The following KNDC1 variants were observed in gnomAD, a reference collection of about 807,000 sequenced individuals.
The protein encoded by KNDC1 is kinase non-catalytic C-lobe domain-containing protein 1.
KNDC1 carries 106 observed loss-of-function variants against 172.8 expected under a neutral mutation model. The ratio of observed to expected loss-of-function variants is 0.61; its 90% CI spans 0.52 to 0.72. The LOEUF is 0.72. Among genes scored for constraint, KNDC1 ranks in the 30% least tolerant of loss-of-function variants. The probability of loss-of-function intolerance (pLI) is 0.00; values close to 1 mark genes in which losing one functional copy is unlikely to be tolerated. For synonymous variants in KNDC1, 1,083 were observed against 1,062.2 expected, an observed-to-expected ratio of 1.02 and a Z score of -0.38; for missense variants, 2,325 against 2,394.5, an observed-to-expected ratio of 0.97 and a Z score of 0.61.
chr10:133,214,310 A>T (rs1845434041), intron 26 of KNDC1, among the ~76,000 whole-genome samples, 188 bp downstream of exon 26: 1 of 152,114 alleles, frequency 6.6e-6, no homozygotes, highest in Non-Finnish European at 1.5e-5. Flanking sequence ...CATCAGGAGG[A>T]GGGGGGTCAG....
chr10:133,219,045 G>A lies in KNDC1; in HGVS notation c.4815G>A (p.Leu1605=). The A allele has an allele frequency of 6.2e-7, 1 of 1,614,054 alleles. No individual in the cohort carries two copies. Among genetic ancestry groups the A allele is most frequent in the East Asian group, 2.2e-5 (1 of 44,886 alleles). ...TTTCATTTCAGGCCTGGAGAATTCTGCCTGCAAAGATAGCAGAGGTCATGG... is the reference window on the plus strand; with the variant it reads ...TTTCATTTCAGGCCTGGAGAATTCTACCTGCAAAGATAGCAGAGGTCATGG... ...AVRQSPAWRI[L]PAKIAEVMEE... Residue 1605 remains leucine (L), a synonymous_variant, in exon 28 of 30, where the codon CTG becomes CTA. Coordinates refer to ENST00000304613, the MANE Select transcript of KNDC1 (RefSeq NM_152643.8).
chr10:133,175,218 G>C (rs762810235), intron 3 of KNDC1, among the ~76,000 whole-genome samples: 3 of 149,136 alleles, frequency 2.0e-5, no homozygotes, highest in Non-Finnish European at 4.5e-5. Flanking sequence ...TATGTGGATG[G>C]ATGGGTGGAT....
intron 10 of KNDC1, among the ~76,000 whole-genome samples, 186 bp from the exon 11 acceptor site, chr10:133,196,872 T>C (rs1019916459): frequency 6.6e-6 from 1 of 152,158 alleles, no homozygotes; most frequent in African/African-American, 2.4e-5. Flanking sequence ...AGTGGCCGAC[T>C]GTGAGCCCTT....
At chr10:133,221,628 T>C (rs1845589835) in intron 29 of KNDC1, among the ~76,000 whole-genome samples, 1 of 152,196 alleles carries the variant, frequency 6.6e-6, no homozygotes, top group South Asian at 2.1e-4. Context: ...TGGGGAGCAA[T>C]GCTCAGCGGA....
At position 133,165,083 on chromosome 10, in the gene KNDC1, G is replaced by A. The variant is rs529630391; in HGVS notation, c.103-2298G>A. Among the ~76,000 whole-genome samples the A allele has an allele frequency of 2.0e-3, 305 of 152,316 alleles. 1 individual carries two copies. The highest frequency in any genetic ancestry group is 6.8e-3 in the African/African-American group (283 of 41,584). Reference sequence around the variant, plus strand: ...ACATGACAAGACCCCCTGGGTGGCCGGGCTCAGGACCCTGTGTGAGCGGAA... The same window carrying A: ...ACATGACAAGACCCCCTGGGTGGCCAGGCTCAGGACCCTGTGTGAGCGGAA... On this transcript the variant is annotated intron_variant, in intron 1 of 29. Coordinates refer to ENST00000304613, the MANE Select transcript of KNDC1 (RefSeq NM_152643.8).
Position 133,189,825 on chromosome 10 carries a change from C to T in KNDC1, c.1575+12C>T. On this transcript the variant is annotated intron_variant, in intron 9 of 29. Coordinates refer to ENST00000304613, the MANE Select transcript of KNDC1 (RefSeq NM_152643.8). ...TGGTAACTGAAAAGGTACCCGGGCC[C>T]TCCCCACCCTGCCCCAGCCCTGCCC... 6.2e-7 allele frequency: 1 copy of T among 1,609,414 alleles called. No homozygotes were observed. The highest frequency in any genetic ancestry group is 8.5e-7 in the Non-Finnish European group (1 of 1,177,610).
Position 133,198,323 on chromosome 10 carries a change from C to T in KNDC1, c.1907-14C>T, listed in dbSNP as rs1215946067. 1.3e-6 allele frequency: 2 copies of T among 1,555,566 alleles called. No individual in the cohort carries two copies. The highest frequency in any genetic ancestry group is 1.8e-5 in the Admixed American group (1 of 55,082). On this transcript the variant is annotated splice_polypyrimidine_tract_variant and intron_variant, in intron 12 of 29. Transcript: ENST00000304613. ...ACTCCGCCCGCCCACACCCTCAGCC[C>T]CCTGGCTCCCCAGGCTTCCTGCCGG... is the stretch of plus-strand genomic sequence containing the variant.
chr10:133,188,317 G>A (rs1029301637), intron 6 of KNDC1, among the ~76,000 whole-genome samples: 2 of 152,192 alleles, frequency 1.3e-5, no homozygotes, highest in African/African-American at 2.4e-5. Flanking sequence ...TGGCTGCACC[G>A]TGGGACGTTC....
intron 26 of KNDC1, among the ~76,000 whole-genome samples, chr10:133,214,971 C>T (rs555468524): frequency 6.6e-6 from 1 of 152,346 alleles, no homozygotes; most frequent in Admixed American, 6.5e-5. Flanking sequence ...GCACCTTCAC[C>T]CAGCGGATGC....
intron 17 of KNDC1, among the ~76,000 whole-genome samples, chr10:133,204,439 C>T (rs1057017823): frequency 4.6e-5 from 7 of 152,162 alleles, no homozygotes; most frequent in South Asian, 4.1e-4. Flanking sequence ...CAGCGGGGTC[C>T]GGAGGGCTTG....
chr10:133,169,523 A>G (rs1591221191), intron 3 of KNDC1, among the ~76,000 whole-genome samples: 2 of 152,344 alleles, frequency 1.3e-5, no homozygotes, highest in Non-Finnish European at 2.9e-5. Context: ...ACTCTGAAAC[A>G]AGTGAGGCTG....
intron 10 of KNDC1, among the ~76,000 whole-genome samples, chr10:133,196,814 G>A (rs920594224): frequency 1.3e-5 from 2 of 152,198 alleles, no homozygotes. Context: ...CCAGGTCTGT[G>A]GCCAACGCTG....
intron 5 of KNDC1, among the ~76,000 whole-genome samples, chr10:133,184,828 TTA>T (rs1239616051): frequency 6.6e-6 from 1 of 152,246 alleles, no homozygotes; most frequent in African/African-American, 2.4e-5. Flanking sequence ...CATCTGGGTG[TTA>T]GTCTCATGGG....
intron 2 of KNDC1, among the ~76,000 whole-genome samples, chr10:133,167,848 T>A (rs747393122): frequency 1.3e-5 from 2 of 152,170 alleles, no homozygotes; most frequent in Non-Finnish European, 1.5e-5. Flanking sequence ...CGCTCAGGAC[T>A]TCCCCTAAGG....
chr10:133,214,362 C>T (rs111868825), intron 26 of KNDC1, among the ~76,000 whole-genome samples: 23 of 152,304 alleles, frequency 1.5e-4, no homozygotes, highest in African/African-American at 4.6e-4. Context: ...GCCACATCCA[C>T]GGCCACATCC....
chr10:133,216,444 G>A (rs572761771), intron 26 of KNDC1, among the ~76,000 whole-genome samples: 57 of 152,278 alleles, frequency 3.7e-4, no homozygotes, highest in Admixed American at 7.8e-4. Flanking sequence ...TTGGGAGGCC[G>A]AGGAGGGCAG....
Position 133,209,105 on chromosome 10 carries a change from G to T in KNDC1, c.3795-1506G>T, listed in dbSNP as rs1845291456. Reference sequence around the variant, plus strand: ...TGTGTGGCTTGCGTGCCCATGTATGGTGTGTGATGTGGAGTATTGTGTGGC... The same window carrying T: ...TGTGTGGCTTGCGTGCCCATGTATGTTGTGTGATGTGGAGTATTGTGTGGC... On this transcript the variant is annotated intron_variant, in intron 20 of 29. Transcript: ENST00000304613. The surrounding 1 kb of genome is among the most constrained non-coding windows in gnomAD (Gnocchi z 4.9). Among the ~76,000 whole-genome samples, 1 of 151,462 alleles carries T rather than the reference G, an allele frequency of 6.6e-6. No individual in the cohort carries two copies. The highest frequency in any genetic ancestry group is 2.4e-5 in the African/African-American group (1 of 41,142).
At position 133,195,834 on chromosome 10, in the gene KNDC1, C is replaced by T. The variant is rs757726031; in HGVS notation, c.1734+13C>T. On this transcript the variant is annotated intron_variant, in intron 10 of 29. Transcript: ENST00000304613. ...TGAGGCCATCAAGGTAACCACACCA[C>T]AGTCATGGCCCCAGCCCAGGGTCCA... The T allele has an allele frequency of 1.3e-6, 2 of 1,533,196 alleles. No individual in the cohort carries two copies. Among genetic ancestry groups the T allele is most frequent in the Non-Finnish European group, 1.8e-6 (2 of 1,139,640 alleles). 95.0% of individuals were successfully genotyped at this position (1,533,196 alleles called of 1,614,324 possible).
intron 5 of KNDC1, 123 bp downstream of exon 5, chr10:133,184,112 G>A (rs1478130190): frequency 5.9e-6 from 3 of 507,404 alleles, no homozygotes; most frequent in Non-Finnish European, 1.0e-5. Context: ...CACCCATACT[G>A]CACACACACC....
Sources: allele counts gnomAD v4.1 joint callset (sites outside exome capture counted in the v4.1 genomes callset), GRCh38; gene constraint gnomAD v4.1.1; non-coding constraint Gnocchi (gnomAD v3.1); transcripts MANE v1.5; gene names NCBI Gene and HGNC (gene_info 2026-07-23, HGNC 2026-07-21).